The following PTGER3 variants were observed in gnomAD, a reference collection of about 807,000 sequenced individuals.
PTGER3 encodes prostaglandin E2 receptor EP3 subtype.
A neutral mutation model predicts 34.7 loss-of-function variants in PTGER3; 22 were observed. That is an observed-to-expected ratio of 0.63 (90% CI 0.45 to 0.91). The LOEUF (loss-of-function observed/expected upper bound fraction) is 0.91, where lower values mean the gene tolerates loss of function less well. Among genes scored for constraint, PTGER3 ranks in the 40% least tolerant of loss-of-function variants. PTGER3 has a pLI of 0.00. For synonymous variants in PTGER3, 241 were observed against 230.1 expected (o/e 1.05, Z -0.43); for missense variants, 468 against 519.4 (o/e 0.90, Z 0.96).
chr1:71,012,661 G>A (rs902398721), intron 1 of PTGER3, among the ~76,000 whole-genome samples, 177 bp from the exon 2 acceptor site: 8 of 152,128 alleles, frequency 5.3e-5, no homozygotes, highest in Non-Finnish European at 1.2e-4. Flanking sequence ...ACATTCCTAG[G>A]TATTTTCCCA....
Position 70,893,229 on chromosome 1 carries a change from G to T in PTGER3, c.*24-40370C>A, listed in dbSNP as rs536579741. ...CTAGCCTAATTTTCTAATAATCCAT[G>T]TGGGGTAGATACTGGTATCTCCATG... is the stretch of plus-strand genomic sequence containing the variant. On this transcript the variant is annotated intron_variant, in intron 4 of 4. Transcript: ENST00000370931. Among the ~76,000 whole-genome samples the T allele has an allele frequency of 8.5e-5, 13 of 152,282 alleles. No individual in the cohort carries two copies. In the South Asian group the frequency reaches 2.5e-3, roughly 29 times the overall value.
chr1:70,916,817 A>C (rs1647183778), intron 4 of PTGER3, among the ~76,000 whole-genome samples: 2 of 152,046 alleles, frequency 1.3e-5, no homozygotes, highest in East Asian at 3.9e-4. Flanking sequence ...AAAAATCTGC[A>C]TATATAATCT....
intron 4 of PTGER3, among the ~76,000 whole-genome samples, chr1:70,889,854 C>T (rs1432946222): frequency 3.3e-5 from 5 of 151,632 alleles, no homozygotes; most frequent in Non-Finnish European, 7.4e-5. Flanking sequence ...GGCTTCTTCC[C>T]TTGGGACAGT....
chr1:70,889,747 G>A (rs1342162187), intron 4 of PTGER3, among the ~76,000 whole-genome samples: 1 of 152,142 alleles, frequency 6.6e-6, no homozygotes, highest in Non-Finnish European at 1.5e-5. Context: ...TTAGATAATT[G>A]CTGATATGAC....
chr1:70,985,732 C>G (rs1197436203), intron 2 of PTGER3, among the ~76,000 whole-genome samples: 1 of 152,182 alleles, frequency 6.6e-6, no homozygotes, highest in Non-Finnish European at 1.5e-5. Context: ...CCCCTGGACC[C>G]TTCCTTAAAA....
At chr1:70,936,851 T>C (rs1435030517) in intron 4 of PTGER3, among the ~76,000 whole-genome samples, 1 of 152,092 alleles carries the variant, frequency 6.6e-6, no homozygotes, top group Admixed American at 6.5e-5. Context: ...TATTGCAGAG[T>C]CATTCTTTTG....
At chr1:70,862,156 A>G (rs1467500258) in intron 4 of PTGER3, 2 of 352,614 alleles carry the variant, frequency 5.7e-6, no homozygotes, top group Non-Finnish European at 9.7e-6. Flanking sequence ...GAAATATTGG[A>G]ATTTCAGGGA....
chr1:71,006,488 T>A (rs1656979457), intron 2 of PTGER3: 3 of 985,306 alleles, frequency 3.0e-6, no homozygotes, highest in Non-Finnish European at 3.6e-6. Context: ...CAAGGACAAT[T>A]CTTATTTTGG....
intron 1 of PTGER3, among the ~76,000 whole-genome samples, chr1:71,015,642 G>T (rs867287855): frequency 2.6e-4 from 40 of 152,306 alleles, no homozygotes; most frequent in African/African-American, 8.9e-4. Context: ...AACAGGAAAA[G>T]AGAGCTGAGT....
intron 2 of PTGER3, among the ~76,000 whole-genome samples, chr1:70,987,869 A>G (rs6679976): frequency 0.38 from 57,243 of 152,070 alleles, 11,069 homozygotes; most frequent in South Asian, 0.45. Context: ...CATTGATTAC[A>G]TATCTTTCAT....
chr1:70,985,104 G>A (rs1654788803), intron 2 of PTGER3, among the ~76,000 whole-genome samples: 1 of 152,132 alleles, frequency 6.6e-6, no homozygotes, highest in African/African-American at 2.4e-5. Context: ...TGCTAGAAGA[G>A]GAGACAGCAT....
chr1:71,047,301 C>G lies in PTGER3; in HGVS notation c.277G>C (p.Gly93Arg), dbSNP rs1474081811. 21 of 1,603,590 alleles carry G rather than the reference C, an allele frequency of 1.3e-5. No individual in the cohort carries two copies. The highest frequency in any genetic ancestry group is 2.2e-5 in the East Asian group (1 of 44,460). ...KRKKSFLLCI[G>R]WLALTDLVGQ... ...ACCAGGTCGGTGAGCGCCAGCCAGC[C>G]GATGCACAGCAGGAAGGACTTCTTG... The change falls in exon 1 of 4, where the codon GGC (glycine) becomes CGC (arginine). Residue 93 changes from glycine to arginine, a missense_variant. Gly to Arg is a moderately radical substitution (Grantham distance 125). Around this residue, in one of 5 missense-constraint regions of PTGER3, gnomAD observed 151 missense variants for 133.5 expected, o/e 1.13. Coordinates refer to ENST00000306666, the MANE Select transcript of PTGER3 (RefSeq NM_198719.2).
intron 4 of PTGER3, among the ~76,000 whole-genome samples, chr1:70,891,937 A>G (rs1053889931): frequency 1.3e-5 from 2 of 152,246 alleles, no homozygotes; most frequent in Admixed American, 6.5e-5. Context: ...ACTTAGAGGT[A>G]GTAATGTTAT....
chr1:71,003,310 A>T (rs1470753598), intron 2 of PTGER3, among the ~76,000 whole-genome samples: 1 of 152,222 alleles, frequency 6.6e-6, no homozygotes, highest in African/African-American at 2.4e-5. Context: ...ATAAATAGAT[A>T]TGTGTCTACA....
At chr1:70,867,989 T>C (rs1057467336) in intron 4 of PTGER3, among the ~76,000 whole-genome samples, 18 of 152,218 alleles carry the variant, frequency 1.2e-4, no homozygotes, top group African/African-American at 1.9e-4. Context: ...CAGGAGTCTG[T>C]AGGCCCTCCA....
At chr1:70,977,799 G>A (rs1307189669) in intron 2 of PTGER3, among the ~76,000 whole-genome samples, 1 of 151,950 alleles carries the variant, frequency 6.6e-6, no homozygotes, top group Non-Finnish European at 1.5e-5. Flanking sequence ...GTGCTTGACT[G>A]TTTGTCTCTA....
intron 4 of PTGER3, among the ~76,000 whole-genome samples, chr1:70,872,024 T>G (rs1646174067): frequency 6.6e-6 from 1 of 152,160 alleles, no homozygotes; most frequent in Non-Finnish European, 1.5e-5. Flanking sequence ...ATAAATAGCT[T>G]TGGCCTCAAA....
At position 71,047,389 on chromosome 1, in the gene PTGER3, G is replaced by A; in HGVS notation, c.189C>T (p.Phe63=). The change falls in exon 1 of 4, where the codon TTC becomes TTT. Residue 63 remains phenylalanine, a synonymous_variant. Coordinates refer to ENST00000306666, the MANE Select transcript of PTGER3 (RefSeq NM_198719.2). ...AFPITMLLTG[F]VGNALAMLLV... ...GCAGCATGGCCAGTGCGTTGCCCAC[G>A]AAACCAGTGAGCAGCATGGTGATCG... The A allele has an allele frequency of 6.2e-7, 1 of 1,611,604 alleles. No individual in the cohort carries two copies. The highest frequency in any genetic ancestry group is 1.1e-5 in the South Asian group (1 of 90,420).
chr1:71,045,997 A>T (rs905032598), intron 1 of PTGER3, among the ~76,000 whole-genome samples: 22 of 144,194 alleles, frequency 1.5e-4, no homozygotes, highest in Non-Finnish European at 2.3e-4. Context: ...ATTTGAAATT[A>T]AAAAAAAAAA....
Sources: allele counts gnomAD v4.1 joint callset (sites outside exome capture counted in the v4.1 genomes callset), GRCh38; gene constraint gnomAD v4.1.1; regional missense constraint gnomAD v4.1.1; transcripts MANE v1.5; gene names NCBI Gene and HGNC (gene_info 2026-07-23, HGNC 2026-07-21).